LATS2: variants seen among roughly 807,000 people sequenced by gnomAD.
LATS2 encodes serine/threonine-protein kinase LATS2.
LATS2 carries 24 observed loss-of-function variants against 76.0 expected under a neutral mutation model. The observed-to-expected ratio is 0.32, with a 90% CI of 0.23 to 0.44. The LOEUF is 0.44. Among genes scored for constraint, LATS2 ranks in the 20% least tolerant of loss-of-function variants. The probability of loss-of-function intolerance (pLI) is 1.00; values close to 1 mark genes in which losing one functional copy is unlikely to be tolerated. For missense variants in LATS2, 1,286 were observed against 1,481.2 expected, an observed-to-expected ratio of 0.87 and a Z score of 2.16; for synonymous variants, 692 against 635.4, an observed-to-expected ratio of 1.09 and a Z score of -1.34.
rs1436016142 is a variant in LATS2, at chr13:20,974,567, A to G, written c.*303T>C. The G allele has an allele frequency of 3.2e-6, 1 of 313,754 alleles. No homozygotes were observed. The highest frequency in any genetic ancestry group is 5.9e-6 in the Non-Finnish European group (1 of 170,346). 19.4% of individuals were successfully genotyped at this position (313,754 alleles called of 1,614,324 possible). ...GCATGATTTGTCAAAGTTAATCCCT[A>G]TAATTTAGTAAGAAAAAATGGATAT... On this transcript the variant is annotated 3_prime_UTR_variant, in exon 8 of 8. Coordinates refer to ENST00000382592, the MANE Select transcript of LATS2 (RefSeq NM_014572.3).
At chr13:21,060,542 C>G (rs955930674) in intron 1 of LATS2, among the ~76,000 whole-genome samples, 2 of 152,086 alleles carry the variant, frequency 1.3e-5, no homozygotes, top group Non-Finnish European at 2.9e-5. Context: ...AGGGCCTGGC[C>G]GCCCGCAGCC....
At chr13:21,028,160 A>G (rs913525996) in intron 2 of LATS2, among the ~76,000 whole-genome samples, 2 of 151,748 alleles carry the variant, frequency 1.3e-5, no homozygotes, top group Admixed American at 1.3e-4. Flanking sequence ...ATTCCCATCT[A>G]TGAGTGAGAA....
rs780545279 is a variant in LATS2 at position 20,988,023 on chromosome 13, T to A, written c.1757A>T (p.Asp586Val). 2 of 1,614,254 alleles carry A rather than the reference T, an allele frequency of 1.2e-6. No individual in the cohort carries two copies. The highest frequency in any genetic ancestry group is 2.2e-5 in the South Asian group (2 of 91,082). The change falls in exon 4 of 8, where the codon GAC becomes GTC. Residue 586 changes from aspartate to valine, a missense_variant. Coordinates refer to ENST00000382592, the MANE Select transcript of LATS2 (RefSeq NM_014572.3). ...GATGCGTGACTCTCTCTTCTCTTCG[T>A]CTCTGCTGTTTTTGCGGACGGGAAC... is the stretch of plus-strand genomic sequence containing the variant. Reference protein sequence around the residue: ...SPVPVRKNSRDEEKRESRIKS... With the variant: ...SPVPVRKNSRVEEKRESRIKS...
intron 2 of LATS2, among the ~76,000 whole-genome samples, chr13:21,026,093 G>A (rs761008370): frequency 1.3e-5 from 2 of 152,110 alleles, no homozygotes; most frequent in African/African-American, 2.4e-5. Flanking sequence ...AATACCCATC[G>A]GATGCCCCAC....
intron 2 of LATS2, 69 bp downstream of exon 2, chr13:21,045,616 A>G: frequency 7.7e-7 from 1 of 1,290,356 alleles, no homozygotes. Context: ...GTAGTTGCCA[A>G]ACCATTCTGA....
chr13:21,023,552 T>C (rs1034712026), intron 2 of LATS2, among the ~76,000 whole-genome samples: 12 of 148,668 alleles, frequency 8.1e-5, no homozygotes, highest in African/African-American at 3.0e-4. Context: ...CCAGACAGTG[T>C]CTGAGATTGA....
intron 7 of LATS2, among the ~76,000 whole-genome samples, chr13:20,977,618 T>TGAAA (rs1565940550): frequency 7.9e-6 from 1 of 127,108 alleles, no homozygotes; most frequent in African/African-American, 3.1e-5. Flanking sequence ...AAAATAATTA[T>TGAAA]TAAATAAATG....
chr13:21,021,691 C>T (rs1282441388), intron 2 of LATS2, among the ~76,000 whole-genome samples: 3 of 152,184 alleles, frequency 2.0e-5, no homozygotes, highest in African/African-American at 4.8e-5. Context: ...ACCTTCCCAA[C>T]CACTGATGTG....
At chr13:21,005,005 G>A (rs957408616) in intron 2 of LATS2, among the ~76,000 whole-genome samples, 1 of 152,210 alleles carries the variant, frequency 6.6e-6, no homozygotes, top group Non-Finnish European at 1.5e-5. Flanking sequence ...GAAGCCTTCA[G>A]CAGAGAGCAC....
intron 1 of LATS2, among the ~76,000 whole-genome samples, chr13:21,056,930 G>T (rs1873466057): frequency 6.6e-6 from 1 of 152,220 alleles, no homozygotes; most frequent in Non-Finnish European, 1.5e-5. Context: ...GCTCAAACGT[G>T]GGAGAGAAAG....
chr13:21,061,114 C>T (rs954780142), intron 1 of LATS2, among the ~76,000 whole-genome samples: 10 of 151,884 alleles, frequency 6.6e-5, no homozygotes, highest in Admixed American at 5.2e-4. Context: ...CCGCGGGCTC[C>T]GTACGGCCTG....
intron 2 of LATS2, among the ~76,000 whole-genome samples, chr13:21,001,604 T>A (rs1871042141): frequency 1.3e-5 from 2 of 152,182 alleles, no homozygotes; most frequent in African/African-American, 4.8e-5. Context: ...AGTGAAGCCC[T>A]CTTGGGTATT....
At chr13:20,992,674 A>G (rs1440644915) in intron 2 of LATS2, among the ~76,000 whole-genome samples, 1 of 152,182 alleles carries the variant, frequency 6.6e-6, no homozygotes, top group Non-Finnish European at 1.5e-5. Context: ...ACCAGGCAGG[A>G]GGAAACTGAA....
At chr13:21,016,897 G>A (rs781313774) in intron 2 of LATS2, among the ~76,000 whole-genome samples, 3 of 152,140 alleles carry the variant, frequency 2.0e-5, no homozygotes, top group East Asian at 1.9e-4. Context: ...TGTTAAGTCC[G>A]GTTCCCCAAA....
At chr13:21,032,450 A>T (rs1311194521) in intron 2 of LATS2, among the ~76,000 whole-genome samples, 1 of 152,102 alleles carries the variant, frequency 6.6e-6, no homozygotes, top group African/African-American at 2.4e-5. Flanking sequence ...TATTTTTAGT[A>T]GAGACGGGTT....
rs763249026 is a variant in LATS2, at chr13:20,975,377, C to G, written c.2773-13G>C. 1 of 1,533,298 alleles carries G rather than the reference C, an allele frequency of 6.5e-7. No homozygotes were observed. The highest frequency in any genetic ancestry group is 1.4e-5 in the African/African-American group (1 of 72,226). 95.0% of individuals were successfully genotyped at this position (1,533,298 alleles called of 1,614,324 possible). A position where few individuals can be genotyped will look rare whatever the true frequency, so the allele number is the denominator to read the frequency against. On this transcript the variant is annotated splice_polypyrimidine_tract_variant and intron_variant, in intron 7 of 7. Coordinates refer to ENST00000382592, the MANE Select transcript of LATS2 (RefSeq NM_014572.3). ...CCCAGTTGATCACCTGAGGAAACAA[C>G]AGAGCCAACAGGTTAGTTTCTCCTC...
At chr13:21,017,167 A>G (rs529946320) in intron 2 of LATS2, among the ~76,000 whole-genome samples, 1 of 152,330 alleles carries the variant, frequency 6.6e-6, no homozygotes, top group Admixed American at 6.5e-5. Context: ...CAGCCAGCAC[A>G]GTGAAATAAA....
chr13:21,008,643 C>G (rs775326823), intron 2 of LATS2, among the ~76,000 whole-genome samples: 1 of 152,136 alleles, frequency 6.6e-6, no homozygotes, highest in Non-Finnish European at 1.5e-5. Context: ...AATAAGAGAG[C>G]ACTTCACACC....
chr13:20,981,696 G>A, intron 5 of LATS2, 48 bp from the exon 6 acceptor site: 5 of 1,494,032 alleles, frequency 3.3e-6, no homozygotes, highest in Non-Finnish European at 4.5e-6. Context: ...AAAATATAAA[G>A]TGAATTTTCA....
Sources: gnomAD v4.1 joint callset for allele counts (sites outside exome capture counted in the v4.1 genomes callset) on GRCh38, gnomAD v4.1.1 for gene constraint, MANE v1.5 for transcripts, NCBI Gene and HGNC (gene_info 2026-07-23, HGNC 2026-07-21) for gene names.